The following RFC3 variants were observed in gnomAD, a reference collection of about 807,000 sequenced individuals.
The protein encoded by RFC3 is A1 38 kDa subunit.
A neutral mutation model predicts 45.1 loss-of-function variants in RFC3; 41 were observed. The observed-to-expected ratio is 0.91, with a 90% CI of 0.71 to 1.18. The LOEUF (loss-of-function observed/expected upper bound fraction) is 1.18, where lower values mean the gene tolerates loss of function less well. RFC3 is among the 50% of genes most tolerant of loss of function. The pLI, the probability that RFC3 is intolerant of heterozygous loss-of-function variation, is 0.00. For missense variants in RFC3, 423 were observed against 428.1 expected (o/e 0.99, Z 0.10); for synonymous variants, 149 against 144.0 (o/e 1.03, Z -0.25).
At chr13:33,967,399 C>T (rs1278544142), downstream of RFC3, among the ~76,000 whole-genome samples, 1 of 151,492 alleles carries the variant, frequency 6.6e-6, no homozygotes, top group Non-Finnish European at 1.5e-5. Context: ...AAGATCTCTT[C>T]TGGAGAGTAC....
chr13:33,823,810 A>G (rs2082024880), intron 2 of RFC3, 107 bp from the exon 3 acceptor site: 1 of 547,372 alleles, frequency 1.8e-6, no homozygotes, highest in Non-Finnish European at 3.2e-6. Context: ...AATGGTGGTT[A>G]TCTCAAGTTT....
At chr13:33,970,559 G>A (rs148437069), downstream of RFC3, among the ~76,000 whole-genome samples, 61 of 152,298 alleles carry the variant, frequency 4.0e-4, 2 homozygotes, top group East Asian at 9.8e-3. Context: ...TTGAATTCCC[G>A]AAGAAACAGA....
intron 4 of RFC3, 153 bp from the exon 5 acceptor site, chr13:33,829,682 TA>T: frequency 6.1e-6 from 4 of 654,668 alleles, no homozygotes; most frequent in Non-Finnish European, 1.1e-5. Flanking sequence ...AAAGTAATTT[TA>T]CCATACTTAT....
In RFC3 at chr13:33,837,497, C is replaced by A. The variant is rs559047313; in HGVS notation, c.*1202C>A. 1.3e-5 allele frequency: 2 copies of A among 152,096 alleles called. No individual in the cohort carries two copies. The highest frequency in any genetic ancestry group is 1.3e-4 in the Admixed American group (2 of 15,232). 9.4% of individuals were successfully genotyped at this position (152,096 alleles called of 1,614,324 possible). ...ATTATGAATAAAGTTGCTGTGAATA[C>A]TTACGTGTAAGTCTTTTTGTGGACA... On this transcript the variant is annotated 3_prime_UTR_variant, in exon 9 of 9. Transcript: ENST00000380071.
intron 8 of RFC3, chr13:33,849,699 A>G (rs1222204457): frequency 6.6e-6 from 1 of 152,162 alleles, no homozygotes; most frequent in Non-Finnish European, 1.5e-5. Context: ...CAACGTGGTG[A>G]AGCCCTGTTT....
chr13:33,843,837 G>T (rs1350588762), intron 8 of RFC3, among the ~76,000 whole-genome samples: 2 of 152,148 alleles, frequency 1.3e-5, no homozygotes, highest in Non-Finnish European at 2.9e-5. Flanking sequence ...TTAATTTGGA[G>T]CAAATAATTT....
rs752043626 is a variant in RFC3, at chr13:33,836,057, A to G, written c.880-47A>G. 4 of 1,554,024 alleles carry G rather than the reference A, an allele frequency of 2.6e-6. No individual in the cohort carries two copies. In the South Asian group the frequency reaches 4.7e-5, roughly 18 times the overall value. ...TGAATGGGAGAAATAAGGCATGCTT[A>G]GCTGTTTTTATTAATGATTTTTAAA... On this transcript the variant is annotated intron_variant, in intron 8 of 8. Transcript: ENST00000380071.
intron 7 of RFC3, among the ~76,000 whole-genome samples, chr13:33,834,164 T>C (rs1012338083): frequency 6.6e-6 from 1 of 150,466 alleles, no homozygotes; most frequent in Non-Finnish European, 1.5e-5. Flanking sequence ...CTTTTTTTTT[T>C]TCCCCCACTT....
intron 8 of RFC3, among the ~76,000 whole-genome samples, chr13:33,939,730 C>G (rs1307150416): frequency 1.3e-5 from 2 of 152,054 alleles, no homozygotes; most frequent in African/African-American, 4.8e-5. Flanking sequence ...CTGTCGAGCT[C>G]CTTACTTTAT....
At chr13:33,860,545 T>C (rs986442292) in intron 8 of RFC3, among the ~76,000 whole-genome samples, 5 of 151,850 alleles carry the variant, frequency 3.3e-5, no homozygotes, top group Non-Finnish European at 5.9e-5. Context: ...TCCTTCTGGC[T>C]GCCTGCTTTG....
chr13:33,833,901 A>G (rs2082125897), intron 7 of RFC3, among the ~76,000 whole-genome samples: 2 of 152,072 alleles, frequency 1.3e-5, no homozygotes, highest in Non-Finnish European at 2.9e-5. Flanking sequence ...GTGGGGAATT[A>G]ATAGTGTATT....
chr13:33,832,430 A>C (rs2082113514), intron 7 of RFC3, among the ~76,000 whole-genome samples: 1 of 152,174 alleles, frequency 6.6e-6, no homozygotes, highest in Admixed American at 6.5e-5. Context: ...ATGAATTCTA[A>C]TTTTTTAAGA....
At chr13:33,949,287 A>G (rs2082974044) in intron 8 of RFC3, among the ~76,000 whole-genome samples, 1 of 152,170 alleles carries the variant, frequency 6.6e-6, no homozygotes, top group Admixed American at 6.5e-5. Context: ...GCCTTTTGCC[A>G]TAATTGTAAG....
chr13:33,864,687 T>A (rs2137545982), intron 8 of RFC3, among the ~76,000 whole-genome samples: 1 of 152,170 alleles, frequency 6.6e-6, no homozygotes, highest in Admixed American at 6.5e-5. Flanking sequence ...AACTATAGAA[T>A]TTTTTTCTTT....
intron 7 of RFC3, among the ~76,000 whole-genome samples, chr13:33,832,536 A>G (rs1204803722): frequency 1.3e-5 from 2 of 152,186 alleles, no homozygotes; most frequent in Non-Finnish European, 2.9e-5. Context: ...TTAGTATTTC[A>G]TTTAAGGTTT....
chr13:33,833,657 C>G (rs955056327), intron 7 of RFC3, among the ~76,000 whole-genome samples: 1 of 152,106 alleles, frequency 6.6e-6, no homozygotes, highest in African/African-American at 2.4e-5. Context: ...TAACTACATC[C>G]TGAATCAACT....
intron 8 of RFC3, among the ~76,000 whole-genome samples, chr13:33,928,996 G>T (rs769472216): frequency 7.2e-5 from 11 of 151,984 alleles, no homozygotes; most frequent in Non-Finnish European, 1.6e-4. Flanking sequence ...AATCTATTTG[G>T]CCTTTGCCCA....
At chr13:33,921,999 A>G (rs929421382) in intron 8 of RFC3, among the ~76,000 whole-genome samples, 1 of 152,062 alleles carries the variant, frequency 6.6e-6, no homozygotes, top group African/African-American at 2.4e-5. Context: ...TCTTCTTCCC[A>G]TCTGTCAGGC....
At chr13:33,974,083 C>T in the RFC3 span, among the ~76,000 whole-genome samples, 1 of 152,064 alleles carries the variant, frequency 6.6e-6, no homozygotes, top group African/African-American at 2.4e-5. Flanking sequence ...AATAAGAGTG[C>T]AGAGGCTGAG....
Sources: allele counts gnomAD v4.1 joint callset (sites outside exome capture counted in the v4.1 genomes callset), GRCh38; gene constraint gnomAD v4.1.1; transcripts MANE v1.5; gene names NCBI Gene and HGNC (gene_info 2026-07-23, HGNC 2026-07-21).